Variants in CLDN10 observed in about 807,000 individuals in gnomAD.
The protein encoded by CLDN10 is claudin-10.
Under a neutral mutation model 22.9 loss-of-function variants are expected in CLDN10, and 15 were observed. The observed-to-expected ratio is 0.65, with a 90% CI of 0.44 to 1.01. The LOEUF is 1.01. CLDN10 is among the 50% of genes least tolerant of loss of function. The pLI is 0.00. For missense variants in CLDN10, 247 were observed against 287.8 expected, an observed-to-expected ratio of 0.86 and a Z score of 1.03; for synonymous variants, 114 against 111.4, an observed-to-expected ratio of 1.02 and a Z score of -0.15.
intron 1 of CLDN10, among the ~76,000 whole-genome samples, chr13:95,541,900 C>G (rs1450638662): frequency 6.6e-6 from 1 of 152,194 alleles, no homozygotes; most frequent in Non-Finnish European, 1.5e-5. Flanking sequence ...TTAGTCCATT[C>G]TCACATAGCT....
chr13:95,517,011 CT>C (rs1248680687), intron 1 of CLDN10, among the ~76,000 whole-genome samples: 46 of 146,648 alleles, frequency 3.1e-4, no homozygotes, highest in African/African-American at 1.1e-3. Context: ...TCCTTCCTTC[CT>C]TCCTTCCTTC....
chr13:95,503,442 A>G (rs1270173579), intron 1 of CLDN10, among the ~76,000 whole-genome samples: 1 of 152,236 alleles, frequency 6.6e-6, no homozygotes, highest in East Asian at 1.9e-4. Flanking sequence ...GGTTCCTCAA[A>G]AAATTAAAAA....
At chr13:95,559,441 C>T (rs2043677112) in intron 1 of CLDN10, among the ~76,000 whole-genome samples, 1 of 152,198 alleles carries the variant, frequency 6.6e-6, no homozygotes, top group East Asian at 1.9e-4. Flanking sequence ...TTGACTTAAT[C>T]ACTATAAATT....
chr13:95,439,919 C>CT (rs71663389), intron 1 of CLDN10, among the ~76,000 whole-genome samples: 56,257 of 146,992 alleles, frequency 0.38, 10,823 homozygotes, highest in Middle Eastern at 0.5. Flanking sequence ...AATATTAACC[C>CT]TTTTTTTTTT....
chr13:95,445,515 C>T (rs1011434015), intron 1 of CLDN10, among the ~76,000 whole-genome samples: 5 of 152,218 alleles, frequency 3.3e-5, no homozygotes, highest in African/African-American at 1.2e-4. Context: ...ATTGTTGAGT[C>T]TTGGTGACTT....
At chr13:95,529,941 T>C (rs891055850) in intron 1 of CLDN10, among the ~76,000 whole-genome samples, 1 of 152,162 alleles carries the variant, frequency 6.6e-6, no homozygotes, top group Admixed American at 6.6e-5. Context: ...AAATGTGATA[T>C]AATTATTATA....
chr13:95,493,760 A>T (rs1325865535), intron 1 of CLDN10, among the ~76,000 whole-genome samples: 2 of 151,990 alleles, frequency 1.3e-5, no homozygotes, highest in Non-Finnish European at 2.9e-5. Context: ...GGGTTTCATC[A>T]TGTTGGCCAG....
At chr13:95,547,620 A>G (rs893285795) in intron 1 of CLDN10, among the ~76,000 whole-genome samples, 51 of 152,302 alleles carry the variant, frequency 3.3e-4, no homozygotes, top group African/African-American at 1.2e-3. Context: ...ATACTTGAAG[A>G]AGTGATGCTG....
chr13:95,447,352 C>T (rs909832275), intron 1 of CLDN10, among the ~76,000 whole-genome samples: 3 of 152,180 alleles, frequency 2.0e-5, no homozygotes, highest in African/African-American at 2.4e-5. Context: ...CTTGACGCGG[C>T]GCCTGGTTCT....
intron 1 of CLDN10, among the ~76,000 whole-genome samples, chr13:95,477,747 C>T (rs1157486336): frequency 2.0e-5 from 3 of 152,166 alleles, no homozygotes; most frequent in South Asian, 2.1e-4. Context: ...CTCAACCCCT[C>T]ACCCCAGACT....
intron 1 of CLDN10, among the ~76,000 whole-genome samples, chr13:95,538,153 CTTTTTTTTTTTTTTTTT>C (rs1176533524): frequency 1.5e-5 from 1 of 66,802 alleles, no homozygotes; most frequent in Non-Finnish European, 2.6e-5. Flanking sequence ...CTGTTTATTT[CTTTTTTTTTTTTTTTTT>C]TTTTTTTTTT....
intron 1 of CLDN10, among the ~76,000 whole-genome samples, chr13:95,442,837 T>C (rs750095804): frequency 4.6e-5 from 7 of 152,134 alleles, no homozygotes; most frequent in Non-Finnish European, 1.0e-4. Context: ...CAAATGGAGG[T>C]AATAATACGA....
At chr13:95,511,169 A>C (rs1030499867) in intron 1 of CLDN10, among the ~76,000 whole-genome samples, 2 of 152,172 alleles carry the variant, frequency 1.3e-5, no homozygotes, top group Non-Finnish European at 2.9e-5. Context: ...AACTTGGTCC[A>C]ATTTTTTCAT....
intron 1 of CLDN10, among the ~76,000 whole-genome samples, chr13:95,517,122 CTT>C (rs1379003240): frequency 6.8e-6 from 1 of 148,126 alleles, no homozygotes; most frequent in Non-Finnish European, 1.5e-5. Flanking sequence ...CTTCCTTTCT[CTT>C]TCTTTCTCTC....
intron 1 of CLDN10, among the ~76,000 whole-genome samples, chr13:95,500,186 A>G (rs923178887): frequency 1.6e-5 from 2 of 125,276 alleles, no homozygotes; most frequent in Non-Finnish European, 3.8e-5. Context: ...CCATTCTCCT[A>G]GAGTCTACAT....
chr13:95,471,534 C>A (rs901847107), intron 1 of CLDN10, among the ~76,000 whole-genome samples: 7 of 149,726 alleles, frequency 4.7e-5, no homozygotes, highest in African/African-American at 1.7e-4. Context: ...CTCACTGCAA[C>A]CTCCACCTCC....
At chr13:95,574,675 C>T (rs2043902121) in intron 3 of CLDN10, among the ~76,000 whole-genome samples, 1 of 152,098 alleles carries the variant, frequency 6.6e-6, no homozygotes, top group Non-Finnish European at 1.5e-5. Flanking sequence ...GAGGCTGAGG[C>T]AGGAGAATCG....
intron 1 of CLDN10, among the ~76,000 whole-genome samples, chr13:95,473,336 C>G (rs2042654824): frequency 6.6e-6 from 1 of 152,114 alleles, no homozygotes; most frequent in Non-Finnish European, 1.5e-5. Context: ...ACACATTTAC[C>G]TGTGTAACAA....
intron 1 of CLDN10, among the ~76,000 whole-genome samples, chr13:95,519,915 T>C (rs35521009): frequency 0.098 from 14,903 of 152,270 alleles, 901 homozygotes; most frequent in Middle Eastern, 0.12. Context: ...AAATCACCCA[T>C]GAAAATCAGA....
Sources: allele counts gnomAD v4.1 joint callset (sites outside exome capture counted in the v4.1 genomes callset), GRCh38; gene constraint gnomAD v4.1.1; transcripts MANE v1.5; gene names NCBI Gene and HGNC (gene_info 2026-07-23, HGNC 2026-07-21).